The following TAF4 variants were observed in gnomAD, a reference collection of about 807,000 sequenced individuals.
The protein encoded by TAF4 is TATA-box binding protein associated factor 4.
A neutral mutation model predicts 90.3 loss-of-function variants in TAF4; 9 were observed. The ratio of observed to expected loss-of-function variants is 0.10; its 90% CI spans 0.06 to 0.17. The LOEUF (loss-of-function observed/expected upper bound fraction) is 0.17, where lower values mean the gene tolerates loss of function less well. Ranked by LOEUF, TAF4 falls within the 10% of genes least tolerant of loss-of-function variation. TAF4 has a pLI of 1.00. For missense variants in TAF4, 1,351 were observed against 1,370.7 expected (o/e 0.99, Z 0.23); for synonymous variants, 818 against 638.9 (o/e 1.28, Z -4.23).
intron 1 of TAF4, 91 bp from the exon 2 acceptor site, chr20:62,014,798 G>C: frequency 6.6e-7 from 1 of 1,523,116 alleles, no homozygotes; most frequent in Admixed American, 2.2e-5. Flanking sequence ...TGACAGCTGT[G>C]AGAAGGAAAC....
chr20:62,023,299 T>C (rs183083722), intron 1 of TAF4, among the ~76,000 whole-genome samples: 1 of 149,166 alleles, frequency 6.7e-6, no homozygotes, highest in East Asian at 2.0e-4. Flanking sequence ...AAAAATTAGT[T>C]GGGCATGGTG....
intron 2 of TAF4, among the ~76,000 whole-genome samples, chr20:62,014,298 C>G (rs1411142831): frequency 6.6e-6 from 1 of 152,114 alleles, no homozygotes; most frequent in Admixed American, 6.5e-5. Context: ...CCCCACTCGG[C>G]CCGCCCTGCA....
intron 3 of TAF4, 41 bp downstream of exon 3, chr20:62,012,774 G>A (rs2055786847): frequency 1.3e-6 from 2 of 1,569,446 alleles, no homozygotes; most frequent in Non-Finnish European, 1.7e-6. Context: ...CACACTTCGT[G>A]GCCCCTGCAG....
chr20:62,012,745 A>T, intron 3 of TAF4, 70 bp downstream of exon 3: 1 of 1,490,212 alleles, frequency 6.7e-7, no homozygotes, highest in Non-Finnish European at 8.9e-7. Flanking sequence ...CTAAGGCCTG[A>T]TCTCTGCATC....
chr20:62,048,445 G>T (rs2056006210), intron 1 of TAF4, among the ~76,000 whole-genome samples: 2 of 152,096 alleles, frequency 1.3e-5, no homozygotes, highest in Non-Finnish European at 2.9e-5. Flanking sequence ...TGGCCAGCAG[G>T]TCCTAGCTAG....
chr20:62,007,039 GGAAGA>G (rs1268725369), intron 6 of TAF4: 1 of 348,690 alleles, frequency 2.9e-6, no homozygotes, highest in Non-Finnish European at 5.1e-6. Flanking sequence ...TAACATCACT[GGAAGA>G]GAAGATTCTG....
intron 1 of TAF4, among the ~76,000 whole-genome samples, chr20:62,052,471 G>A (rs964085820): frequency 1.3e-5 from 2 of 151,948 alleles, no homozygotes; most frequent in Admixed American, 1.3e-4. Context: ...AGTCAGCTGA[G>A]ATCGACAAAC....
At position 61,998,525 on chromosome 20, in the gene TAF4, AG is replaced by A. The variant is rs28382118; in HGVS notation, c.2914-334del. Among the ~76,000 whole-genome samples the A allele has an allele frequency of 5.3e-3, 814 of 152,272 alleles. 19 individuals carry two copies. Among genetic ancestry groups the A allele is most frequent in the East Asian group, 0.047 (241 of 5,166 alleles). On this transcript the variant is annotated intron_variant, in intron 12 of 14. Coordinates refer to ENST00000252996, the MANE Select transcript of TAF4 (RefSeq NM_003185.4). ...TCCTTGCTGTCCTGTCCCACACACC[AG>A]GGACGGGACAGCCTGTGGCTGTGAT...
At position 62,012,820 on chromosome 20, in the gene TAF4, C is replaced by T. The variant is rs148774765; in HGVS notation, c.1636G>A (p.Val546Ile). Residue 546 changes from valine (V) to isoleucine (I), a missense_variant, in exon 3 of 15, where the codon GTC (valine) becomes ATC (isoleucine). By Grantham distance (29) the Val-to-Ile change is conservative. Transcript: ENST00000252996. ...TCCGCCGCCTGCCCTCTCACCTGGA[C>T]GCCGGGCGAGCGCTGCAGGGTTGCA... is the stretch of plus-strand genomic sequence containing the variant. ...PSATLQRSPG[V>I]QPQLVLGGAA... 4.5e-5 allele frequency: 72 copies of T among 1,611,460 alleles called. No individual in the cohort carries two copies. In the African/African-American group the frequency reaches 7.2e-4, roughly 16 times the overall value.
At chr20:62,003,614 T>G (rs776713985) in intron 8 of TAF4, 117 bp downstream of exon 8, 8 of 1,291,730 alleles carry the variant, frequency 6.2e-6, no homozygotes, top group Non-Finnish European at 8.3e-6. Flanking sequence ...ACTAGATACT[T>G]AAAATGGCCA....
intron 1 of TAF4, among the ~76,000 whole-genome samples, chr20:62,053,632 A>C (rs1340685127): frequency 6.6e-6 from 1 of 152,202 alleles, no homozygotes; most frequent in Non-Finnish European, 1.5e-5. Context: ...CAGATCCACA[A>C]GGTCTCACCT....
chr20:62,060,238 G>A (rs915850739), intron 1 of TAF4, among the ~76,000 whole-genome samples: 2 of 152,232 alleles, frequency 1.3e-5, no homozygotes, highest in Admixed American at 6.5e-5. Context: ...ATTTGCCACA[G>A]AAGCAAGCGG....
At position 62,006,908 on chromosome 20, in the gene TAF4, G is replaced by A. The variant is rs1477878652; in HGVS notation, c.1975-150C>T. The A allele has an allele frequency of 1.8e-6, 2 of 1,117,492 alleles. No homozygotes were observed. Among genetic ancestry groups the A allele is most frequent in the African/African-American group, 1.6e-5 (1 of 61,730 alleles). 69.2% of individuals were successfully genotyped at this position (1,117,492 alleles called of 1,614,324 possible). A position where few individuals can be genotyped will look rare whatever the true frequency, so the allele number is the denominator to read the frequency against. ...TCACGGCAGCATGTCTGGATGTCAA[G>A]GGCCAGGACCCCATCCTGCCCTCCC... On this transcript the variant is annotated intron_variant, in intron 6 of 14. Transcript: ENST00000252996. This position sits in a 1 kb window ranked among gnomAD's most constrained non-coding sequence, Gnocchi z 7.0.
In TAF4 at chr20:62,065,111, G is replaced by A. The variant is rs1226251140; in HGVS notation, c.700C>T (p.Pro234Ser). 8.9e-7 allele frequency: 1 copy of A among 1,119,296 alleles called. No homozygotes were observed. The highest frequency in any genetic ancestry group is 1.1e-6 in the Non-Finnish European group (1 of 899,866). The allele number at this position is 1,119,296 out of a possible 1,614,324, so 69.3% of individuals were successfully genotyped here. A position where few individuals can be genotyped will look rare whatever the true frequency, so the allele number is the denominator to read the frequency against. Reference sequence around the variant, plus strand: ...GGGGGCGTCTGGATGACAGTGCCGGGGGCGGCGGGCTTGGGCAGCGGCAGC... The same window carrying A: ...GGGGGCGTCTGGATGACAGTGCCGGAGGCGGCGGGCTTGGGCAGCGGCAGC... Reference protein sequence around the residue: ...ALLPLPKPAAPGTVIQTPPFV... With the variant: ...ALLPLPKPAASGTVIQTPPFV... The change falls in exon 1 of 15, where the codon CCC becomes TCC. Residue 234 changes from proline to serine, a missense_variant. This residue lies in a region of TAF4 where 782 missense variants were observed against 536.6 expected (regional missense o/e 1.46). Coordinates refer to ENST00000252996, the MANE Select transcript of TAF4 (RefSeq NM_003185.4).
intron 1 of TAF4, among the ~76,000 whole-genome samples, chr20:62,014,917 A>G (rs994263591): frequency 2.0e-5 from 3 of 151,338 alleles, no homozygotes; most frequent in Admixed American, 1.3e-4. Flanking sequence ...AAGGCCATGG[A>G]AAAAAAATGG....
chr20:62,037,163 C>G lies in TAF4; in HGVS notation c.1361-22456G>C, dbSNP rs535118451. Among the ~76,000 whole-genome samples the G allele has an allele frequency of 2.2e-5, 3 of 138,718 alleles. No homozygotes were observed. The South Asian group carries it at 6.8e-4, about 31-fold the overall frequency. The allele number at this position is 138,718 out of a possible 152,430, so 91.0% of individuals were successfully genotyped here. On this transcript the variant is annotated intron_variant, in intron 1 of 14. Coordinates refer to ENST00000252996, the MANE Select transcript of TAF4 (RefSeq NM_003185.4). ...AAAAACCTGCAGCTGACATCATGTG[C>G]GTCATGAGAGAAGACAGACTGCCTC...
chr20:61,985,880 A>ACACCATCCCCGACCAAAGGAAC lies in TAF4; in HGVS notation c.3091-9567_3091-9546dup, dbSNP rs1220363988. Among the ~76,000 whole-genome samples the ACACCATCCCCGACCAAAGGAAC allele has an allele frequency of 1.2e-3, 165 of 139,522 alleles. 1 individual carries two copies. Among genetic ancestry groups the ACACCATCCCCGACCAAAGGAAC allele is most frequent in the African/African-American group, 3.2e-3 (114 of 36,130 alleles). The allele number at this position is 139,522 out of a possible 152,430, so 91.5% of individuals were successfully genotyped here. A position where few individuals can be genotyped will look rare whatever the true frequency, so the allele number is the denominator to read the frequency against. Reference sequence around the variant, plus strand: ...CCTGCTGCCCAGAGTATGGTTCTAAACACCATCCCCGACCAAAGGAACCAC... The same window carrying ACACCATCCCCGACCAAAGGAAC: ...CCTGCTGCCCAGAGTATGGTTCTAAACACCATCCCCGACCAAAGGAACCACCATCCCCGACCAAAGGAACCAC... On this transcript the variant is annotated intron_variant, in intron 14 of 14. Transcript: ENST00000252996.
intron 1 of TAF4, among the ~76,000 whole-genome samples, chr20:62,027,132 T>C (rs1053978247): frequency 2.0e-5 from 3 of 152,140 alleles, no homozygotes; most frequent in Non-Finnish European, 2.9e-5. Flanking sequence ...CACCTCAAAA[T>C]GCAGAGGCAC....
At chr20:62,014,822 T>A (rs1211858922) in intron 1 of TAF4, 115 bp from the exon 2 acceptor site, 2 of 1,394,502 alleles carry the variant, frequency 1.4e-6, no homozygotes, top group East Asian at 4.8e-5. Context: ...GGAAATCAAG[T>A]CTTAAACACA....
Sources: gnomAD v4.1 joint callset for allele counts (sites outside exome capture counted in the v4.1 genomes callset) on GRCh38, gnomAD v4.1.1 for gene constraint, gnomAD v4.1.1 regional missense constraint, Gnocchi (gnomAD v3.1) non-coding constraint, MANE v1.5 for transcripts, NCBI Gene and HGNC (gene_info 2026-07-23, HGNC 2026-07-21) for gene names.